DENND4A: variants seen among roughly 807,000 people sequenced by gnomAD.
DENND4A encodes C-myc promoter-binding protein.
DENND4A carries 70 observed loss-of-function variants against 199.3 expected under a neutral mutation model. The observed-to-expected ratio is 0.35, with a 90% CI of 0.29 to 0.43. The LOEUF is 0.43. DENND4A is among the 20% of genes least tolerant of loss of function. The probability of loss-of-function intolerance (pLI) is 1.00; values close to 1 mark genes in which losing one functional copy is unlikely to be tolerated. For synonymous variants in DENND4A, 686 were observed against 766.9 expected (o/e 0.89, Z 1.74); for missense variants, 1,723 against 2,255.8 (o/e 0.76, Z 4.78).
intron 1 of DENND4A, chr15:65,772,149 T>C (rs1346414518): frequency 4.1e-6 from 3 of 734,752 alleles, no homozygotes; most frequent in Non-Finnish European, 7.3e-6. Context: ...CATAGCTTGC[T>C]CCTTCGATTT....
At chr15:65,729,748 G>A (rs1301442774) in intron 9 of DENND4A, 70 bp from the exon 10 acceptor site, 1 of 1,388,240 alleles carries the variant, frequency 7.2e-7, no homozygotes, top group Non-Finnish European at 9.7e-7. Context: ...AAAACAATGG[G>A]CAAAAGTAGT....
At chr15:65,731,320 G>T in intron 9 of DENND4A, 1 of 351,828 alleles carries the variant, frequency 2.8e-6, no homozygotes, top group Non-Finnish European at 5.7e-6. Context: ...AAAATTAATT[G>T]CATTTGAATG....
Position 65,661,899 on chromosome 15 carries a change from A to G in DENND4A, c.5676T>C (p.Ser1892=), listed in dbSNP as rs2075853775. The G allele has an allele frequency of 1.2e-6, 2 of 1,612,890 alleles. No individual in the cohort carries two copies. Among genetic ancestry groups the G allele is most frequent in the East Asian group, 4.5e-5 (2 of 44,852 alleles). ...TTTTTCGACATTCCATCACCCCTGT[A>G]CTTGGTGGTCTATCACAGTTGTGTG... ...KSTHNCDRPP[S]TGVMECRKTF... Residue 1892 remains serine, a synonymous_variant, in exon 33 of 33, where the codon AGT becomes AGC. Transcript: ENST00000443035.
intron 21 of DENND4A, 135 bp downstream of exon 21, chr15:65,697,132 G>C: frequency 1.7e-6 from 1 of 594,226 alleles, no homozygotes; most frequent in Non-Finnish European, 2.9e-6. Context: ...GTGGCTGAGA[G>C]GGCACGTAAT....
chr15:65,759,943 T>A (rs983693467), intron 2 of DENND4A, among the ~76,000 whole-genome samples: 1 of 152,198 alleles, frequency 6.6e-6, no homozygotes, highest in African/African-American at 2.4e-5. Flanking sequence ...TAATTTTTTT[T>A]AAAGGGTACA....
intron 14 of DENND4A, among the ~76,000 whole-genome samples, chr15:65,709,844 G>A (rs1028838060): frequency 4.0e-5 from 6 of 150,140 alleles, no homozygotes; most frequent in Non-Finnish European, 8.9e-5. Context: ...TTGATTTTCT[G>A]AGTAGTCATT....
chr15:65,677,927 C>CTTTTTTTTTTT (rs11071847), intron 23 of DENND4A, among the ~76,000 whole-genome samples: 4 of 100,098 alleles, frequency 4.0e-5, no homozygotes, highest in Admixed American at 1.1e-4. Context: ...CCTCTTATCT[C>CTTTTTTTTTTT]TTTTTTTTTT....
chr15:65,697,158 G>C (rs893957204), intron 21 of DENND4A, 109 bp downstream of exon 21: 2 of 677,866 alleles, frequency 3.0e-6, no homozygotes, highest in African/African-American at 1.8e-5. Context: ...AAAAGAAAGA[G>C]TTATAATGGA....
intron 25 of DENND4A, 104 bp downstream of exon 25, chr15:65,671,688 C>A (rs1474588343): frequency 2.4e-6 from 2 of 838,794 alleles, no homozygotes; most frequent in Admixed American, 1.9e-5. Flanking sequence ...CCGCGCCCAG[C>A]CTATGTATTT....
chr15:65,746,705 G>T (rs866038990), intron 4 of DENND4A, among the ~76,000 whole-genome samples: 4 of 151,362 alleles, frequency 2.6e-5, no homozygotes, highest in Non-Finnish European at 5.9e-5. Flanking sequence ...AAGTAAACTC[G>T]CTAAATCAAA....
At chr15:65,731,430 TAATA>T (rs1264447524) in intron 9 of DENND4A, 12 of 576,296 alleles carry the variant, frequency 2.1e-5, no homozygotes, top group Non-Finnish European at 4.0e-5. Flanking sequence ...TATTTGATGA[TAATA>T]GATACACAAA....
intron 4 of DENND4A, among the ~76,000 whole-genome samples, chr15:65,746,558 TGTATTTTA>T (rs1330818228): frequency 6.6e-6 from 1 of 151,342 alleles, no homozygotes; most frequent in Admixed American, 6.6e-5. Context: ...GGCTAATTTT[TGTATTTTA>T]GTAGAGACAG....
intron 20 of DENND4A, among the ~76,000 whole-genome samples, chr15:65,699,727 T>A (rs2077283660): frequency 6.7e-6 from 1 of 150,230 alleles, no homozygotes; most frequent in Non-Finnish European, 1.5e-5. Context: ...TCACCCAAGC[T>A]GGAGTGCAGT....
chr15:65,684,400 C>A (rs1230590957), intron 23 of DENND4A, among the ~76,000 whole-genome samples: 1 of 152,200 alleles, frequency 6.6e-6, no homozygotes, highest in Non-Finnish European at 1.5e-5. Flanking sequence ...TGGATTATAG[C>A]CATTCCTCTA....
intron 5 of DENND4A, among the ~76,000 whole-genome samples, chr15:65,739,417 A>G (rs1231175668): frequency 1.3e-5 from 2 of 152,222 alleles, no homozygotes; most frequent in Non-Finnish European, 2.9e-5. Context: ...ACCAGGTTAT[A>G]TGAAGATAGA....
At chr15:65,769,886 G>A (rs1174936300) in intron 1 of DENND4A, among the ~76,000 whole-genome samples, 1 of 151,432 alleles carries the variant, frequency 6.6e-6, no homozygotes, top group African/African-American at 2.4e-5. Flanking sequence ...AAACACAGAA[G>A]ACCAGAAATC....
chr15:65,719,641 G>C (rs2075543155), intron 12 of DENND4A, among the ~76,000 whole-genome samples: 1 of 152,062 alleles, frequency 6.6e-6, no homozygotes, highest in Non-Finnish European at 1.5e-5. Context: ...TGTAATCCTA[G>C]CACTTTAGGA....
At chr15:65,708,660 C>T (rs1032374745) in intron 14 of DENND4A, among the ~76,000 whole-genome samples, 1 of 131,468 alleles carries the variant, frequency 7.6e-6, no homozygotes, top group African/African-American at 3.0e-5. Context: ...ACACCCACAG[C>T]AGGATAAAAT....
At chr15:65,748,967 T>C in intron 4 of DENND4A, among the ~76,000 whole-genome samples, 1 of 147,814 alleles carries the variant, frequency 6.8e-6, no homozygotes, top group African/African-American at 2.5e-5. Context: ...TACTCCAGCC[T>C]GGGCAACAGA....
Sources: gnomAD v4.1 joint callset for allele counts (sites outside exome capture counted in the v4.1 genomes callset) on GRCh38, gnomAD v4.1.1 for gene constraint, MANE v1.5 for transcripts, NCBI Gene and HGNC (gene_info 2026-07-23, HGNC 2026-07-21) for gene names.